Variants in PDE11A observed in about 807,000 individuals in gnomAD.
The protein encoded by PDE11A is phosphodiesterase 11A.
In PDE11A, 100 loss-of-function variants were observed where a neutral mutation model predicts 100.5. The ratio of observed to expected loss-of-function variants is 1.00; its 90% CI spans 0.85 to 1.18. The LOEUF is 1.18. PDE11A is among the 50% of genes most tolerant of loss of function. PDE11A has a pLI of 0.00. For synonymous variants in PDE11A, 381 were observed against 420.8 expected, an observed-to-expected ratio of 0.91 and a Z score of 1.16; for missense variants, 1,141 against 1,152.6, an observed-to-expected ratio of 0.99 and a Z score of 0.15.
At chr2:177,947,792 A>G (rs1559019805) in intron 2 of PDE11A, among the ~76,000 whole-genome samples, 2 of 320 alleles carry the variant, frequency 6.3e-3, no homozygotes. Flanking sequence ...AAATAAAAAA[A>G]TAAAAAAAAA....
At chr2:177,771,081 A>G (rs1257120717) in intron 9 of PDE11A, among the ~76,000 whole-genome samples, 1 of 152,174 alleles carries the variant, frequency 6.6e-6, no homozygotes, top group Non-Finnish European at 1.5e-5. Context: ...CTCCCGCCTC[A>G]GCCTCCCAAA....
chr2:177,921,689 A>G (rs2085051070), intron 2 of PDE11A: 1 of 152,148 alleles, frequency 6.6e-6, no homozygotes, highest in Admixed American at 6.6e-5. Context: ...TTCCAGACCC[A>G]CATACTATAG....
chr2:177,629,648 A>G (rs943446214), intron 19 of PDE11A, 86 bp from the exon 20 acceptor site: 18 of 1,348,532 alleles, frequency 1.3e-5, no homozygotes, highest in African/African-American at 2.9e-5. Flanking sequence ...TTATGAGGAG[A>G]ATGGAAACTG....
chr2:177,681,153 C>T (rs1328407509), intron 15 of PDE11A, among the ~76,000 whole-genome samples: 1 of 152,126 alleles, frequency 6.6e-6, no homozygotes, highest in Non-Finnish European at 1.5e-5. Context: ...AGCCATAAAA[C>T]AGAAAACAAT....
chr2:177,709,258 T>C (rs1316544677), intron 13 of PDE11A, among the ~76,000 whole-genome samples: 1 of 152,060 alleles, frequency 6.6e-6, no homozygotes, highest in African/African-American at 2.4e-5. Flanking sequence ...CTGGTCAGCT[T>C]TGTGAATTAG....
intron 9 of PDE11A, among the ~76,000 whole-genome samples, chr2:177,788,301 T>C (rs1041556566): frequency 4.8e-4 from 69 of 143,544 alleles, no homozygotes; most frequent in Non-Finnish European, 3.5e-4. Flanking sequence ...GGGTACGTAA[T>C]GAAATGAAGG....
chr2:177,888,452 A>G (rs1400397631), intron 4 of PDE11A, among the ~76,000 whole-genome samples: 1 of 152,220 alleles, frequency 6.6e-6, no homozygotes, highest in Admixed American at 6.5e-5. Context: ...AACATTCTAG[A>G]TGGATAAAAA....
intron 1 of PDE11A, among the ~76,000 whole-genome samples, chr2:178,056,588 A>C (rs2086902137): frequency 6.6e-6 from 1 of 152,238 alleles, no homozygotes; most frequent in South Asian, 2.1e-4. Flanking sequence ...ACCAAGGGCC[A>C]CATGGGGTAA....
intron 1 of PDE11A, among the ~76,000 whole-genome samples, chr2:178,062,466 G>T (rs1017183809): frequency 6.6e-6 from 1 of 152,074 alleles, no homozygotes; most frequent in Non-Finnish European, 1.5e-5. Flanking sequence ...AGCCATAAAG[G>T]TGGCCATTAG....
chr2:177,945,872 A>G (rs1386875193), intron 2 of PDE11A, among the ~76,000 whole-genome samples: 20 of 121,260 alleles, frequency 1.6e-4, no homozygotes, highest in South Asian at 1.2e-3. Context: ...TCCGGGAGGG[A>G]GGTGGGGGGG....
intron 1 of PDE11A, among the ~76,000 whole-genome samples, chr2:178,044,460 A>C (rs891856351): frequency 1.2e-5 from 1 of 81,428 alleles, no homozygotes; most frequent in African/African-American, 4.5e-5. Flanking sequence ...GTATGTATAC[A>C]TCAGTAAAAT....
At chr2:177,811,103 A>G (rs1467521923) in intron 9 of PDE11A, among the ~76,000 whole-genome samples, 1 of 152,192 alleles carries the variant, frequency 6.6e-6, no homozygotes, top group Non-Finnish European at 1.5e-5. Context: ...CCCAAAGGAC[A>G]GTTCCTGATG....
At chr2:177,632,362 A>G (rs763741281) in intron 19 of PDE11A, among the ~76,000 whole-genome samples, 14 of 152,120 alleles carry the variant, frequency 9.2e-5, no homozygotes, top group East Asian at 1.9e-4. Context: ...GTTGTCATCA[A>G]TTTGGGGTAA....
At chr2:177,819,075 C>T (rs2083093237) in intron 7 of PDE11A, among the ~76,000 whole-genome samples, 1 of 151,976 alleles carries the variant, frequency 6.6e-6, no homozygotes, top group Non-Finnish European at 1.5e-5. Context: ...TACGAGATTG[C>T]CACGGAATAT....
intron 2 of PDE11A, among the ~76,000 whole-genome samples, chr2:177,917,706 T>A (rs10170607): frequency 6.6e-6 from 1 of 152,100 alleles, no homozygotes; most frequent in East Asian, 1.9e-4. Context: ...TATGTAATAA[T>A]CTCAGGAAAA....
At chr2:178,041,971 C>G (rs971279230) in intron 1 of PDE11A, among the ~76,000 whole-genome samples, 2 of 152,198 alleles carry the variant, frequency 1.3e-5, no homozygotes, top group African/African-American at 4.8e-5. Flanking sequence ...AAGTAATTTT[C>G]TCACAGAAAA....
intron 9 of PDE11A, among the ~76,000 whole-genome samples, chr2:177,778,785 C>T (rs1327350898): frequency 1.3e-5 from 2 of 152,128 alleles, no homozygotes; most frequent in African/African-American, 2.4e-5. Context: ...TGAACAGACG[C>T]GTTGAAACTG....
chr2:177,928,078 T>C (rs1162508602), intron 2 of PDE11A, among the ~76,000 whole-genome samples: 3 of 119,698 alleles, frequency 2.5e-5, no homozygotes, highest in Non-Finnish European at 4.8e-5. Flanking sequence ...CACTCCAGCC[T>C]GGGCAACAAG....
chr2:177,858,828 A>G (rs2083890531), intron 5 of PDE11A, among the ~76,000 whole-genome samples: 1 of 152,202 alleles, frequency 6.6e-6, no homozygotes, highest in Non-Finnish European at 1.5e-5. Context: ...TCACAATAGC[A>G]AAGACTTGGA....
Sources: gnomAD v4.1 joint callset for allele counts (sites outside exome capture counted in the v4.1 genomes callset) on GRCh38, gnomAD v4.1.1 for gene constraint, MANE v1.5 for transcripts, NCBI Gene and HGNC (gene_info 2026-07-23, HGNC 2026-07-21) for gene names.